Variants in FAM53B observed in about 807,000 individuals in gnomAD.
FAM53B encodes the protein protein FAM53B.
In FAM53B, 12 loss-of-function variants were observed where a neutral mutation model predicts 32.7. The ratio of observed to expected loss-of-function variants is 0.37; its 90% CI spans 0.24 to 0.59. FAM53B has a LOEUF of 0.59. FAM53B is among the 20% of genes least tolerant of loss of function. The probability of loss-of-function intolerance (pLI) is 0.72; values close to 1 mark genes in which losing one functional copy is unlikely to be tolerated. For missense variants in FAM53B, 477 were observed against 577.7 expected, an observed-to-expected ratio of 0.83 and a Z score of 1.79; for synonymous variants, 234 against 228.7, an observed-to-expected ratio of 1.02 and a Z score of -0.21.
chr10:124,619,598 T>C lies in FAM53B; in HGVS notation c.*3644A>G, dbSNP rs1384245944. ...CACAAATCATTTGCCAAAAAGACTA[T>C]GCTAGAAGGTCAGACTATCCTATCT... On this transcript the variant is annotated 3_prime_UTR_variant, in exon 5 of 5. Coordinates refer to ENST00000337318, the MANE Select transcript of FAM53B (RefSeq NM_014661.4). 6.6e-6 allele frequency: 1 copy of C among 152,122 alleles called. No homozygotes were observed. Among genetic ancestry groups the C allele is most frequent in the African/African-American group, 2.4e-5 (1 of 41,272 alleles). 9.4% of individuals were successfully genotyped at this position (152,122 alleles called of 1,614,324 possible).
intron 1 of FAM53B, among the ~76,000 whole-genome samples, chr10:124,721,390 C>T (rs1402556020): frequency 6.6e-6 from 1 of 152,218 alleles, no homozygotes; most frequent in East Asian, 1.9e-4. Flanking sequence ...CTAGCAAGTG[C>T]CGGAGGTGGC....
At chr10:124,714,965 G>A (rs977486470) in intron 1 of FAM53B, among the ~76,000 whole-genome samples, 1 of 152,112 alleles carries the variant, frequency 6.6e-6, no homozygotes, top group African/African-American at 2.4e-5. Context: ...GGGAAAGTGA[G>A]GCCCAGGTCT....
intron 4 of FAM53B, among the ~76,000 whole-genome samples, chr10:124,631,076 GA>G (rs1274076129): frequency 6.6e-6 from 1 of 152,226 alleles, no homozygotes; most frequent in East Asian, 1.9e-4. Flanking sequence ...GTCACTTCGG[GA>G]AGGGTGGCAC....
At chr10:124,627,918 C>T (rs1949366124) in intron 4 of FAM53B, among the ~76,000 whole-genome samples, 1 of 149,832 alleles carries the variant, frequency 6.7e-6, no homozygotes, top group African/African-American at 2.4e-5. Flanking sequence ...GGGATACAGA[C>T]AAAGGTGGCC....
chr10:124,679,143 G>C (rs1009902194), intron 4 of FAM53B, among the ~76,000 whole-genome samples: 1 of 152,156 alleles, frequency 6.6e-6, no homozygotes, highest in Non-Finnish European at 1.5e-5. Context: ...AGAGCCCAGC[G>C]GAAGGAAGCG....
intron 3 of FAM53B, among the ~76,000 whole-genome samples, chr10:124,692,321 T>C (rs1949838466): frequency 6.6e-6 from 1 of 152,096 alleles, no homozygotes; most frequent in Non-Finnish European, 1.5e-5. Flanking sequence ...TGTATCAAGT[T>C]CCTAAACTGG....
At position 124,744,037 on chromosome 10, in the gene FAM53B, G is replaced by A. The variant is rs1950217538; in HGVS notation, c.-199C>T. ...CTGTGCGCGGCGGGGCGCTCCGGGCGCGGACCCCGCGCCGTCACCGCCAGC... is the reference window on the plus strand; with the variant it reads ...CTGTGCGCGGCGGGGCGCTCCGGGCACGGACCCCGCGCCGTCACCGCCAGC... On this transcript the variant is annotated 5_prime_UTR_variant, in exon 1 of 5. Transcript: ENST00000337318. The A allele has an allele frequency of 6.8e-6, 1 of 147,522 alleles. No individual in the cohort carries two copies. The highest frequency in any genetic ancestry group is 2.4e-5 in the African/African-American group (1 of 40,958). The allele number at this position is 147,522 out of a possible 1,614,324, so 9.1% of individuals were successfully genotyped here.
chr10:124,674,620 T>G (rs1378167073), intron 4 of FAM53B, among the ~76,000 whole-genome samples: 3 of 152,236 alleles, frequency 2.0e-5, no homozygotes, highest in Admixed American at 6.5e-5. Flanking sequence ...GGGAACGACA[T>G]TAGGGTTTCT....
At chr10:124,678,866 A>G (rs185155243) in intron 4 of FAM53B, among the ~76,000 whole-genome samples, 1 of 152,326 alleles carries the variant, frequency 6.6e-6, no homozygotes, top group African/African-American at 2.4e-5. Context: ...TGATGGCCAG[A>G]GGGAAGCCCC....
intron 4 of FAM53B, among the ~76,000 whole-genome samples, chr10:124,676,040 T>C (rs1397894541): frequency 1.3e-5 from 2 of 151,968 alleles, no homozygotes; most frequent in Admixed American, 6.5e-5. Context: ...GAAGGAGGAG[T>C]GCTAGTTCAG....
intron 4 of FAM53B, among the ~76,000 whole-genome samples, chr10:124,661,647 A>AC (rs1376278830): frequency 6.6e-6 from 1 of 152,180 alleles, no homozygotes; most frequent in African/African-American, 2.4e-5. Flanking sequence ...GTCCTCTGCC[A>AC]CCACCACCCC....
intron 1 of FAM53B, among the ~76,000 whole-genome samples, chr10:124,737,729 G>A (rs1018236713): frequency 1.3e-5 from 2 of 152,170 alleles, no homozygotes; most frequent in Non-Finnish European, 2.9e-5. Flanking sequence ...TTCACAGGAA[G>A]ACAGGCTCTG....
At chr10:124,627,750 A>G (rs948633484) in intron 4 of FAM53B, among the ~76,000 whole-genome samples, 4 of 152,016 alleles carry the variant, frequency 2.6e-5, no homozygotes, top group African/African-American at 9.7e-5. Context: ...TCTAGCCACC[A>G]AAGAGGCCCT....
intron 4 of FAM53B, chr10:124,667,273 G>A (rs542524754): frequency 3.5e-5 from 22 of 633,786 alleles, no homozygotes; most frequent in Admixed American, 8.1e-5. Context: ...ACTATTCAAA[G>A]TCATTTCACT....
chr10:124,634,956 G>C (rs1485356956), intron 4 of FAM53B, among the ~76,000 whole-genome samples: 1 of 152,138 alleles, frequency 6.6e-6, no homozygotes, highest in Non-Finnish European at 1.5e-5. Flanking sequence ...TAAAGCTCAA[G>C]AATGTCAAAA....
chr10:124,662,512 A>G (rs1949640217), intron 4 of FAM53B, among the ~76,000 whole-genome samples: 1 of 126,560 alleles, frequency 7.9e-6, no homozygotes, highest in African/African-American at 2.9e-5. Context: ...CCATCCATCC[A>G]TGTATTCAAT....
At chr10:124,684,657 T>C (rs1286464758) in intron 3 of FAM53B, among the ~76,000 whole-genome samples, 1 of 152,132 alleles carries the variant, frequency 6.6e-6, no homozygotes, top group Non-Finnish European at 1.5e-5. Flanking sequence ...GTAGCTGGGA[T>C]TACAGGCATG....
At chr10:124,711,653 T>C (rs1490872590) in intron 1 of FAM53B, among the ~76,000 whole-genome samples, 2 of 152,228 alleles carry the variant, frequency 1.3e-5, no homozygotes, top group Non-Finnish European at 2.9e-5. Flanking sequence ...GCCCACTGAT[T>C]ATACCAGGGA....
intron 4 of FAM53B, among the ~76,000 whole-genome samples, chr10:124,648,196 G>T (rs562908416): frequency 6.6e-6 from 1 of 152,226 alleles, no homozygotes; most frequent in Non-Finnish European, 1.5e-5. Flanking sequence ...AAGACACATC[G>T]AGGATCCAAG....
Sources: gnomAD v4.1 joint callset for allele counts (sites outside exome capture counted in the v4.1 genomes callset) on GRCh38, gnomAD v4.1.1 for gene constraint, MANE v1.5 for transcripts, NCBI Gene and HGNC (gene_info 2026-07-23, HGNC 2026-07-21) for gene names.